KIAA0232: variants seen among roughly 807,000 people sequenced by gnomAD.
KIAA0232 encodes uncharacterized protein KIAA0232.
KIAA0232 carries 27 observed loss-of-function variants against 122.0 expected under a neutral mutation model. The ratio of observed to expected loss-of-function variants is 0.22; its 90% confidence interval spans 0.16 to 0.31. The LOEUF (loss-of-function observed/expected upper bound fraction) is 0.31, where lower values mean the gene tolerates loss of function less well. Among genes scored for constraint, KIAA0232 ranks in the 10% least tolerant of loss-of-function variants. KIAA0232 has a pLI of 1.00. For missense variants in KIAA0232, 1,551 were observed against 1,634.2 expected (o/e 0.95, Z 0.88); for synonymous variants, 613 against 587.6 (o/e 1.04, Z -0.63).
At chr4:6,802,687 A>G (rs1405996349) in intron 1 of KIAA0232, among the ~76,000 whole-genome samples, 1 of 152,128 alleles carries the variant, frequency 6.6e-6, no homozygotes. Context: ...CCCCAAGGAC[A>G]TAAAGACAGA....
At chr4:6,802,536 C>T (rs1467902356) in intron 1 of KIAA0232, among the ~76,000 whole-genome samples, 2 of 151,200 alleles carry the variant, frequency 1.3e-5, no homozygotes, top group Admixed American at 1.3e-4. Context: ...TGACTCTTCT[C>T]AACCCCCCCC....
chr4:6,785,317 A>G (rs899274145), intron 1 of KIAA0232, among the ~76,000 whole-genome samples: 1 of 152,074 alleles, frequency 6.6e-6, no homozygotes, highest in Admixed American at 6.5e-5. Context: ...GTACGGTAGC[A>G]CTCTTCAAAA....
At chr4:6,866,877 T>C (rs1200940798) in intron 7 of KIAA0232, among the ~76,000 whole-genome samples, 2 of 152,212 alleles carry the variant, frequency 1.3e-5, no homozygotes, top group Non-Finnish European at 2.9e-5. Flanking sequence ...CCATGTTACT[T>C]ATTTTAACTG....
chr4:6,827,166 T>G (rs772910019), intron 3 of KIAA0232, among the ~76,000 whole-genome samples: 2 of 152,086 alleles, frequency 1.3e-5, no homozygotes, highest in Non-Finnish European at 2.9e-5. Flanking sequence ...ATGAAGAAGG[T>G]CAAATTTTAA....
chr4:6,864,238 A>G, intron 7 of KIAA0232, 55 bp downstream of exon 7: 2 of 1,510,532 alleles, frequency 1.3e-6, no homozygotes, highest in Non-Finnish European at 1.8e-6. Flanking sequence ...GTTTAACCCA[A>G]GAACAGACAT....
chr4:6,806,048 T>C (rs924390740), intron 2 of KIAA0232, among the ~76,000 whole-genome samples: 4 of 152,210 alleles, frequency 2.6e-5, no homozygotes, highest in African/African-American at 9.7e-5. Flanking sequence ...TGTAAGTGTA[T>C]ACATTTTCCT....
At chr4:6,800,830 C>T (rs1400213696) in intron 1 of KIAA0232, among the ~76,000 whole-genome samples, 4 of 152,128 alleles carry the variant, frequency 2.6e-5, no homozygotes, top group African/African-American at 4.8e-5. Flanking sequence ...CAGGTTGGCT[C>T]CTGGGCTCAT....
In KIAA0232 at chr4:6,792,669, T is replaced by C. The variant is rs576805296; in HGVS notation, c.-354+9828T>C. On this transcript the variant is annotated intron_variant, in intron 1 of 9. Coordinates refer to ENST00000307659, the MANE Select transcript of KIAA0232 (RefSeq NM_014743.3). ...CTTCAGTGATCTGCTGTTGTAGTCTTGATAGTCTTAGGTTTTTTTTTTTTT... is the reference window on the plus strand; with the variant it reads ...CTTCAGTGATCTGCTGTTGTAGTCTCGATAGTCTTAGGTTTTTTTTTTTTT... 2.3e-3 allele frequency among the ~76,000 whole-genome samples: 345 copies of C among 151,356 alleles called. 2 individuals carry two copies. Among genetic ancestry groups the C allele is most frequent in the African/African-American group, 8.3e-3 (341 of 41,288 alleles).
intron 1 of KIAA0232, among the ~76,000 whole-genome samples, chr4:6,784,442 G>GGA (rs1716520285): frequency 6.6e-6 from 1 of 151,878 alleles, no homozygotes; most frequent in African/African-American, 2.4e-5. Context: ...GGGCGGGGGG[G>GGA]GAGGAGGAGC....
chr4:6,866,248 A>G, intron 7 of KIAA0232: 1 of 982,886 alleles, frequency 1.0e-6, no homozygotes, highest in South Asian at 4.7e-5. Flanking sequence ...CCACTACCAT[A>G]TTCCTTCGCT....
rs374254929 is a variant in KIAA0232 at position 6,862,816 on chromosome 4, A to C, written c.2434A>C (p.Asn812His). 1.3e-5 allele frequency: 21 copies of C among 1,614,082 alleles called. No homozygotes were observed. In the African/African-American group the frequency reaches 2.5e-4, roughly 19 times the overall value. ...NKNFETTQVC[N>H]ESPHGDGYSS... is the part of the protein sequence containing the mutation. ...AAATTTTGAAACTACACAAGTATGT[A>C]ATGAAAGTCCACATGGAGATGGCTA... is the stretch of plus-strand genomic sequence containing the variant. The change falls in exon 7 of 10, where the codon AAT becomes CAT. Residue 812 changes from asparagine to histidine, a missense_variant. Transcript: ENST00000307659.
intron 2 of KIAA0232, among the ~76,000 whole-genome samples, chr4:6,815,130 A>C (rs1034395924): frequency 1.3e-5 from 2 of 152,050 alleles, no homozygotes; most frequent in African/African-American, 2.4e-5. Flanking sequence ...CTTCGTATTG[A>C]CTAAATTCCA....
Position 6,855,929 on chromosome 4 carries a change from G to A in KIAA0232, c.370-1235G>A, listed in dbSNP as rs756486439. The A allele has an allele frequency of 5.5e-4, 477 of 868,266 alleles. 1 individual carries two copies. Among genetic ancestry groups the A allele is most frequent in the Non-Finnish European group, 6.4e-4 (462 of 723,180 alleles). 53.8% of individuals were successfully genotyped at this position (868,266 alleles called of 1,614,324 possible). Reference sequence around the variant, plus strand: ...CAGGTGCTTTCTGGTGCAACTGTTTGTGGTTGAACAGTGTTTATGACTAAT... The same window carrying A: ...CAGGTGCTTTCTGGTGCAACTGTTTATGGTTGAACAGTGTTTATGACTAAT... On this transcript the variant is annotated intron_variant, in intron 4 of 9. Coordinates refer to ENST00000307659, the MANE Select transcript of KIAA0232 (RefSeq NM_014743.3). The surrounding 1 kb of genome is among the most constrained non-coding windows in gnomAD (Gnocchi z 4.3).
intron 9 of KIAA0232, among the ~76,000 whole-genome samples, chr4:6,878,636 G>T (rs1007046823): frequency 1.3e-5 from 2 of 152,114 alleles, no homozygotes; most frequent in Non-Finnish European, 2.9e-5. Flanking sequence ...TTTGCCTTCA[G>T]CAAGCACCTC....
chr4:6,835,419 C>G (rs928942766), intron 3 of KIAA0232, among the ~76,000 whole-genome samples: 5 of 152,142 alleles, frequency 3.3e-5, no homozygotes, highest in Non-Finnish European at 7.4e-5. Flanking sequence ...AAGTACAAAG[C>G]TACGATTTTT....
chr4:6,876,807 C>A, intron 9 of KIAA0232, 50 bp downstream of exon 9: 1 of 1,284,536 alleles, frequency 7.8e-7, no homozygotes, highest in Non-Finnish European at 1.1e-6. Context: ...CAGCCACCAC[C>A]TCCAGTTGTC....
chr4:6,824,117 TC>T (rs953396472), intron 2 of KIAA0232, 67 bp from the exon 3 acceptor site: 3 of 417,968 alleles, frequency 7.2e-6, no homozygotes, highest in African/African-American at 4.1e-5. Context: ...TGATTTTTTT[TC>T]CTCAAAAGGT....
At chr4:6,826,958 TG>T (rs1209376356) in intron 3 of KIAA0232, among the ~76,000 whole-genome samples, 1 of 152,186 alleles carries the variant, frequency 6.6e-6, no homozygotes, top group Non-Finnish European at 1.5e-5. Context: ...AGAGATAAGA[TG>T]AACTATCAGT....
rs1720838516 is a variant in KIAA0232, at chr4:6,861,234, C to A, written c.852C>A (p.Arg284=). 1.2e-6 allele frequency: 2 copies of A among 1,614,000 alleles called. No individual in the cohort carries two copies. The highest frequency in any genetic ancestry group is 1.7e-6 in the Non-Finnish European group (2 of 1,180,040). ...QIRHKPEGKI[R]PRSWSSGSSE... is the part of the protein sequence containing the mutation. ...GACATAAACCTGAAGGAAAGATTCG[C>A]CCTCGCTCGTGGTCTTCTGGCTCCA... is the stretch of plus-strand genomic sequence containing the variant. The change falls in exon 7 of 10, where the codon CGC becomes CGA. Residue 284 remains arginine, a synonymous_variant. Coordinates refer to ENST00000307659, the MANE Select transcript of KIAA0232 (RefSeq NM_014743.3).
Sources: gnomAD v4.1 joint callset for allele counts (sites outside exome capture counted in the v4.1 genomes callset) on GRCh38, gnomAD v4.1.1 for gene constraint, Gnocchi (gnomAD v3.1) non-coding constraint, MANE v1.5 for transcripts, NCBI Gene and HGNC (gene_info 2026-07-23, HGNC 2026-07-21) for gene names.